The following THOC2 variants were observed in gnomAD, a reference collection of about 807,000 sequenced individuals.
The protein encoded by THOC2 is THO complex 2.
THOC2 carries 10 observed loss-of-function variants against 128.4 expected under a neutral mutation model. The observed-to-expected ratio is 0.08, with a 90% CI of 0.05 to 0.13. THOC2 has a LOEUF of 0.13. THOC2 is among the 10% of genes least tolerant of loss of function. The probability of loss-of-function intolerance (pLI) is 1.00; values close to 1 mark genes in which losing one functional copy is unlikely to be tolerated. For missense variants in THOC2, 535 were observed against 1,155.7 expected, an observed-to-expected ratio of 0.46 and a Z score of 7.79; for synonymous variants, 393 against 396.9, an observed-to-expected ratio of 0.99 and a Z score of 0.12.
chrX:123,688,575 T>C (rs990809728), intron 7 of THOC2, among the ~76,000 whole-genome samples: 6 of 110,249 alleles, frequency 5.4e-5, no homozygotes, highest in African/African-American at 2.0e-4. Context: ...TACAAAAAAT[T>C]AGCCAGGCAT....
In THOC2 at chrX:123,619,448, G is replaced by T; in HGVS notation, c.4276-12C>A. On this transcript the variant is annotated splice_polypyrimidine_tract_variant and intron_variant, in intron 32 of 38. Coordinates refer to ENST00000245838, the MANE Select transcript of THOC2 (RefSeq NM_001081550.2). ...TCGATGAGACTGTCCTGTAGAAAAT[G>T]AATGGAGATGACAGGTGAGCTGGCA... 8.3e-7 allele frequency: 1 copy of T among 1,206,171 alleles called. No individual in the cohort carries two copies. The highest frequency in any genetic ancestry group is 1.1e-6 in the Non-Finnish European group (1 of 892,592).
At chrX:123,685,768 G>C (rs1024759975) in intron 8 of THOC2, among the ~76,000 whole-genome samples, 3 of 111,719 alleles carry the variant, frequency 2.7e-5, no homozygotes, top group African/African-American at 9.8e-5. Context: ...ATGAAAGATG[G>C]ATTGAAGTAG....
chrX:123,610,901 G>C lies in THOC2; in HGVS notation c.*18+17C>G, dbSNP rs764937840. On this transcript the variant is annotated intron_variant, in intron 38 of 38. Transcript: ENST00000245838. ...TGTTTCTATCATTAAGTGAAAAGGT[G>C]GTGAGAGAACACTCACCTTGATGGA... 3 of 1,178,353 alleles carry C rather than the reference G, an allele frequency of 2.5e-6. No homozygotes were observed. Among genetic ancestry groups the C allele is most frequent in the East Asian group, 6.0e-5 (2 of 33,271 alleles).
chrX:123,643,966 C>T (rs1395377589), intron 15 of THOC2, among the ~76,000 whole-genome samples: 2 of 112,223 alleles, frequency 1.8e-5, no homozygotes, highest in African/African-American at 6.5e-5. Flanking sequence ...ACTTGCAATA[C>T]AGCAATACAA....
intron 8 of THOC2, among the ~76,000 whole-genome samples, chrX:123,675,764 TTG>T (rs768937744): frequency 8.9e-6 from 1 of 112,183 alleles, no homozygotes; most frequent in African/African-American, 3.2e-5. Context: ...GGATTTATTG[TTG>T]TGTGTGTGTG....
At chrX:123,663,622 TG>T (rs1419899506) in intron 12 of THOC2, among the ~76,000 whole-genome samples, 4 of 108,548 alleles carry the variant, frequency 3.7e-5, no homozygotes, top group African/African-American at 1.4e-4. Context: ...GGTACTATTC[TG>T]TTTTTTTTTT....
chrX:123,665,166 A>G (rs2049000403), intron 12 of THOC2, among the ~76,000 whole-genome samples: 2 of 112,049 alleles, frequency 1.8e-5, no homozygotes, highest in Non-Finnish European at 3.8e-5. Context: ...ATATAACATT[A>G]TATTAGAGCT....
chrX:123,713,740 C>T (rs1236731876), intron 1 of THOC2, among the ~76,000 whole-genome samples: 1 of 107,384 alleles, frequency 9.3e-6, no homozygotes, highest in African/African-American at 3.4e-5. Context: ...CCCAGCTACT[C>T]GGGAGGCTGG....
intron 8 of THOC2, among the ~76,000 whole-genome samples, chrX:123,682,026 C>T (rs939568419): frequency 9.0e-6 from 1 of 111,074 alleles, no homozygotes; most frequent in Non-Finnish European, 1.9e-5. Flanking sequence ...GCCATGCGCT[C>T]CAGCCTGGGC....
intron 8 of THOC2, among the ~76,000 whole-genome samples, chrX:123,683,973 A>T (rs1000960636): frequency 2.7e-5 from 3 of 110,705 alleles, no homozygotes; most frequent in African/African-American, 9.9e-5. Context: ...TCATTCCAAG[A>T]ACAAGTTATT....
At chrX:123,703,583 TG>T in intron 3 of THOC2, 78 bp from the exon 4 acceptor site, 1 of 679,005 alleles carries the variant, frequency 1.5e-6, no homozygotes, top group Non-Finnish European at 2.2e-6. Flanking sequence ...AACACTCTTC[TG>T]TGAAACTTAA....
At chrX:123,649,164 C>G (rs942049333) in intron 12 of THOC2, among the ~76,000 whole-genome samples, 2 of 112,076 alleles carry the variant, frequency 1.8e-5, no homozygotes, top group African/African-American at 6.5e-5. Flanking sequence ...CTGGAGCTAC[C>G]CAGGCAAACA....
intron 30 of THOC2, 76 bp downstream of exon 30, chrX:123,622,682 C>A (rs1288981376): frequency 2.4e-5 from 18 of 765,019 alleles, no homozygotes; most frequent in Middle Eastern, 3.0e-4. Flanking sequence ...GCAAGACCAA[C>A]CCCGTCTCAA....
intron 23 of THOC2, 23 bp from the exon 24 acceptor site, chrX:123,626,685 C>T: frequency 8.6e-7 from 1 of 1,167,284 alleles, no homozygotes. Flanking sequence ...CAATTAGACA[C>T]TTTTCTAACT....
intron 1 of THOC2, among the ~76,000 whole-genome samples, chrX:123,715,784 C>CAAAAAA (rs765556592): frequency 1.9e-4 from 7 of 37,756 alleles, no homozygotes; most frequent in Non-Finnish European, 2.1e-4. Context: ...GACCTTGTCT[C>CAAAAAA]AAAAAAAAAA....
chrX:123,668,305 C>A lies in THOC2; in HGVS notation c.871G>T (p.Ala291Ser). Residue 291 changes from alanine to serine, a missense_variant, in exon 10 of 39, where the codon GCT becomes TCT. Physicochemically the swap from Ala to Ser is moderately conservative, Grantham distance 99 (BLOSUM62 1). Around this residue, in one of 9 missense-constraint regions of THOC2, gnomAD observed 197 missense variants for 313.4 expected, o/e 0.63. Transcript: ENST00000245838. ...TGTTCATCCATAATGCAATTATCAG[C>A]CGGAAGAAGCTAAAAATGGTACATT... The part of the protein sequence containing the change: ...LDDLYVHLLP[A>S]DNCIMDEHKR... 1 of 1,172,077 alleles carries A rather than the reference C, an allele frequency of 8.5e-7. No individual in the cohort carries two copies. The highest frequency in any genetic ancestry group is 1.1e-6 in the Non-Finnish European group (1 of 875,726).
intron 12 of THOC2, among the ~76,000 whole-genome samples, chrX:123,648,726 C>T (rs1215837973): frequency 8.9e-6 from 1 of 111,994 alleles, no homozygotes; most frequent in African/African-American, 3.2e-5. Flanking sequence ...GAGCCCACTG[C>T]AGCGTCACAA....
chrX:123,718,894 G>A (rs985923336), intron 1 of THOC2, among the ~76,000 whole-genome samples: 6 of 110,432 alleles, frequency 5.4e-5, no homozygotes, highest in African/African-American at 2.0e-4. Context: ...GAAGTCAAGG[G>A]GCCGGGCACG....
At chrX:123,726,140 C>T (rs963282479) in intron 1 of THOC2, among the ~76,000 whole-genome samples, 3 of 110,260 alleles carry the variant, frequency 2.7e-5, no homozygotes, top group Admixed American at 9.7e-5. Flanking sequence ...ACCCAGGAAG[C>T]GGAGGTTGTA....
Sources: allele counts gnomAD v4.1 joint callset (sites outside exome capture counted in the v4.1 genomes callset), GRCh38; gene constraint gnomAD v4.1.1; regional missense constraint gnomAD v4.1.1; transcripts MANE v1.5; gene names NCBI Gene and HGNC (gene_info 2026-07-23, HGNC 2026-07-21).